FAM174B: variants seen among roughly 807,000 people sequenced by gnomAD.
The protein encoded by FAM174B is membrane protein FAM174B.
FAM174B carries 12 observed loss-of-function variants against 10.9 expected under a neutral mutation model. The observed-to-expected ratio is 1.10, with a 90% confidence interval of 0.71 to 1.79. FAM174B has a LOEUF of 1.79. FAM174B is among the 40% of genes most tolerant of loss of function. The pLI, the probability that FAM174B is intolerant of heterozygous loss-of-function variation, is 0.00. For missense variants in FAM174B, 266 were observed against 233.3 expected (o/e 1.14, Z -0.91); for synonymous variants, 132 against 115.8 (o/e 1.14, Z -0.90).
rs1274177452 is a variant in FAM174B at position 92,617,662 on chromosome 15, G to T, written c.*1794C>A. 1.5e-6 allele frequency: 1 copy of T among 677,724 alleles called. No individual in the cohort carries two copies. 42.0% of individuals were successfully genotyped at this position (677,724 alleles called of 1,614,324 possible). A position where few individuals can be genotyped will look rare whatever the true frequency, so the allele number is the denominator to read the frequency against. ...AACCCTGTGTGAGCCAGCAGTTCCA[G>T]TTCAAAGGTTGAGGGGGCGAACAGC... On this transcript the variant is annotated 3_prime_UTR_variant, in exon 3 of 3. Transcript: ENST00000327355.
At chr15:92,627,930 A>T (rs4778018) in intron 2 of FAM174B, among the ~76,000 whole-genome samples, 81,498 of 151,946 alleles carry the variant, frequency 0.54, 21,897 homozygotes, top group Admixed American at 0.54. Flanking sequence ...AGGTACACGG[A>T]CATCCCTTGG....
intron 1 of FAM174B, among the ~76,000 whole-genome samples, chr15:92,636,251 T>C (rs959503320): frequency 6.6e-5 from 10 of 151,752 alleles, no homozygotes; most frequent in African/African-American, 2.4e-4. Flanking sequence ...GAGACGGAGG[T>C]TGCAACAAGC....
At chr15:92,650,396 G>A (rs531027107) in intron 1 of FAM174B, among the ~76,000 whole-genome samples, 4 of 152,316 alleles carry the variant, frequency 2.6e-5, no homozygotes, top group African/African-American at 9.6e-5. Context: ...CCAAAAAGAA[G>A]CCTCCTTTCA....
chr15:92,640,506 C>T (rs746527890), intron 1 of FAM174B, among the ~76,000 whole-genome samples: 7 of 114,312 alleles, frequency 6.1e-5, no homozygotes, highest in East Asian at 3.1e-4. Context: ...GAGTGGAGAT[C>T]GTGCCACTGC....
At chr15:92,627,894 A>C (rs1411535807) in intron 2 of FAM174B, among the ~76,000 whole-genome samples, 38 of 152,318 alleles carry the variant, frequency 2.5e-4, no homozygotes, top group Admixed American at 2.2e-3. Flanking sequence ...CTTAGCGATA[A>C]AATCAATACA....
At chr15:92,621,347 C>T (rs149906246) in intron 2 of FAM174B, among the ~76,000 whole-genome samples, 2,071 of 152,184 alleles carry the variant, frequency 0.014, 18 homozygotes, top group African/African-American at 0.027. Flanking sequence ...CACAGTGGGT[C>T]GCGCCCGTAA....
rs2050703362 is a variant in FAM174B at position 92,619,380 on chromosome 15, C to T, written c.*76G>A. 1.3e-6 allele frequency: 2 copies of T among 1,581,612 alleles called. No individual in the cohort carries two copies. The highest frequency in any genetic ancestry group is 1.7e-6 in the Non-Finnish European group (2 of 1,150,782). ...CAACACCTCCGACGCAAGAGGGCTT[C>T]CAGGTCCAGTCCTTCACACCCCAGG... On this transcript the variant is annotated 3_prime_UTR_variant, in exon 3 of 3. Coordinates refer to ENST00000327355, the MANE Select transcript of FAM174B (RefSeq NM_207446.3).
chr15:92,642,523 G>C lies in FAM174B; in HGVS notation c.345-12178C>G, dbSNP rs141186145. 2.7e-3 allele frequency among the ~76,000 whole-genome samples: 416 copies of C among 152,290 alleles called. 3 individuals are homozygous for C. Among genetic ancestry groups the C allele is most frequent in the African/African-American group, 9.4e-3 (391 of 41,550 alleles). ...CTTGTGGGAGGTGATTAGATTATGGGGGTGGTTCCCCCATGCTGTTCTCAT... is the reference window on the plus strand; with the variant it reads ...CTTGTGGGAGGTGATTAGATTATGGCGGTGGTTCCCCCATGCTGTTCTCAT... On this transcript the variant is annotated intron_variant, in intron 1 of 2. Coordinates refer to ENST00000327355, the MANE Select transcript of FAM174B (RefSeq NM_207446.3).
At chr15:92,636,529 C>T (rs1362136459) in intron 1 of FAM174B, among the ~76,000 whole-genome samples, 1 of 152,214 alleles carries the variant, frequency 6.6e-6, no homozygotes, top group Admixed American at 6.5e-5. Flanking sequence ...TTGAAGCAGG[C>T]AGTCCAGTGA....
intron 1 of FAM174B, among the ~76,000 whole-genome samples, chr15:92,641,803 A>G (rs1247228957): frequency 6.6e-6 from 1 of 152,190 alleles, no homozygotes; most frequent in African/African-American, 2.4e-5. Flanking sequence ...AAAAGAAAAA[A>G]CTAGATAAAT....
intron 1 of FAM174B, among the ~76,000 whole-genome samples, chr15:92,638,974 C>T (rs2050873523): frequency 2.0e-5 from 3 of 152,210 alleles, no homozygotes; most frequent in African/African-American, 7.2e-5. Context: ...CCAGCTAATG[C>T]ACATGTGATC....
intron 1 of FAM174B, among the ~76,000 whole-genome samples, chr15:92,641,680 AGTAT>A (rs1336624293): frequency 6.6e-6 from 1 of 152,228 alleles, no homozygotes; most frequent in Non-Finnish European, 1.5e-5. Flanking sequence ...CTTACATATA[AGTAT>A]GTAAGACTTA....
At chr15:92,653,449 G>A (rs2050980235) in intron 1 of FAM174B, among the ~76,000 whole-genome samples, 1 of 152,230 alleles carries the variant, frequency 6.6e-6, no homozygotes, top group African/African-American at 2.4e-5. Flanking sequence ...CAAACCTCCA[G>A]ACTCAGAGCT....
chr15:92,640,799 C>T (rs1483922060), intron 1 of FAM174B, among the ~76,000 whole-genome samples: 2 of 151,934 alleles, frequency 1.3e-5, no homozygotes, highest in Non-Finnish European at 2.9e-5. Context: ...CACACACCAC[C>T]ACACTCAGCC....
At position 92,655,302 on chromosome 15, in the gene FAM174B, G is replaced by A; in HGVS notation, c.344+14C>T. ...GTCGGCCGGCGGGGGAAGGAAGAGG[G>A]CGGGAGGGCCCACCTGAAGACGCGC... On this transcript the variant is annotated intron_variant, in intron 1 of 2. Coordinates refer to ENST00000327355, the MANE Select transcript of FAM174B (RefSeq NM_207446.3). 6.5e-7 allele frequency: 1 copy of A among 1,543,478 alleles called. No individual in the cohort carries two copies. The highest frequency in any genetic ancestry group is 8.7e-7 in the Non-Finnish European group (1 of 1,143,868).
At chr15:92,620,264 C>A (rs1317325026) in intron 2 of FAM174B, among the ~76,000 whole-genome samples, 2 of 152,104 alleles carry the variant, frequency 1.3e-5, no homozygotes, top group Non-Finnish European at 2.9e-5. Flanking sequence ...TTTGGGAGGC[C>A]GAGGCGGATG....
Position 92,643,344 on chromosome 15 carries a change from A to ATGTGTGTGTGTGTGTGTG in FAM174B, c.344+11954_344+11971dup, listed in dbSNP as rs61322216. Among the ~76,000 whole-genome samples, 1,356 of 138,122 alleles carry ATGTGTGTGTGTGTGTGTG rather than the reference A, an allele frequency of 9.8e-3. 29 individuals are homozygous for ATGTGTGTGTGTGTGTGTG. The highest frequency in any genetic ancestry group is 0.018 in the South Asian group (67 of 3,782). The allele number at this position is 138,122 out of a possible 152,430, so 90.6% of individuals were successfully genotyped here. On this transcript the variant is annotated intron_variant, in intron 1 of 2. Coordinates refer to ENST00000327355, the MANE Select transcript of FAM174B (RefSeq NM_207446.3). ...AGTCATTATAAGAAATAGGGAAGGAATGTGTGTGTGTGTGTGTGTGTGTGT... is the reference window on the plus strand; with the variant it reads ...AGTCATTATAAGAAATAGGGAAGGAATGTGTGTGTGTGTGTGTGTGTGTGTGTGTGTGTGTGTGTGTGT...
chr15:92,623,533 C>T (rs375571564), intron 2 of FAM174B, among the ~76,000 whole-genome samples: 3 of 152,216 alleles, frequency 2.0e-5, no homozygotes, highest in Non-Finnish European at 4.4e-5. Flanking sequence ...CCATCCCACA[C>T]GAGGAGAGTG....
intron 1 of FAM174B, among the ~76,000 whole-genome samples, chr15:92,631,414 A>ATATATTATATATTATATATTATAT (rs1703538285): frequency 2.8e-5 from 1 of 35,506 alleles, no homozygotes; most frequent in African/African-American, 1.7e-4. Flanking sequence ...ATTATATATA[A>ATATATTATATATTATATATTATAT]TATATAATAT....
Sources: gnomAD v4.1 joint callset for allele counts (sites outside exome capture counted in the v4.1 genomes callset) on GRCh38, gnomAD v4.1.1 for gene constraint, MANE v1.5 for transcripts, NCBI Gene and HGNC (gene_info 2026-07-23, HGNC 2026-07-21) for gene names.